Variants in AP2A2 observed in about 807,000 individuals in gnomAD.
AP2A2 encodes the protein AP-2 complex subunit alpha-2.
A neutral mutation model predicts 104.2 loss-of-function variants in AP2A2; 32 were observed. The ratio of observed to expected loss-of-function variants is 0.31; its 90% CI spans 0.23 to 0.41. AP2A2 has a LOEUF of 0.41. AP2A2 is among the 10% of genes least tolerant of loss of function. AP2A2 has a pLI of 1.00. For missense variants in AP2A2, 912 were observed against 1,261.0 expected, an observed-to-expected ratio of 0.72 and a Z score of 4.19; for synonymous variants, 539 against 533.3, an observed-to-expected ratio of 1.01 and a Z score of -0.15.
At position 935,603 on chromosome 11, in the gene AP2A2, G is replaced by GTTTTTTTTTTTTTTTTTTTTTTT. The variant is rs757190222; in HGVS notation, c.67+9537_67+9538insTTTTTTTTTTTTTTTTTTTTTTT. Among the ~76,000 whole-genome samples the GTTTTTTTTTTTTTTTTTTTTTTT allele has an allele frequency of 5.9e-4, 46 of 77,952 alleles. 7 individuals carry two copies. The East Asian group carries it at 8.4e-3, about 14-fold the overall frequency. The allele number at this position is 77,952 out of a possible 152,430, so 51.1% of individuals were successfully genotyped here. ...AAGTGTGAGCCACTGTGCCCGGCCA[G>GTTTTTTTTTTTTTTTTTTTTTTT]TTTTTTTTTTTTTTTTTTTTTTGAG... On this transcript the variant is annotated intron_variant, in intron 1 of 21. Coordinates refer to ENST00000448903, the MANE Select transcript of AP2A2 (RefSeq NM_012305.4).
At chr11:935,971 G>C (rs1853445997) in intron 1 of AP2A2, among the ~76,000 whole-genome samples, 1 of 149,186 alleles carries the variant, frequency 6.7e-6, no homozygotes, top group Admixed American at 6.7e-5. Flanking sequence ...GCACTATCTC[G>C]GCTCACTGCA....
intron 2 of AP2A2, among the ~76,000 whole-genome samples, chr11:967,166 G>C (rs901407412): frequency 1.3e-5 from 2 of 151,836 alleles, no homozygotes; most frequent in East Asian, 2.0e-4. Context: ...GACTGTCTGG[G>C]AAAAACAAAA....
intron 2 of AP2A2, among the ~76,000 whole-genome samples, chr11:962,868 G>A (rs188016595): frequency 6.6e-6 from 1 of 152,134 alleles, no homozygotes; most frequent in African/African-American, 2.4e-5. Context: ...TGTTGAGCAC[G>A]CGCGTACCCT....
At chr11:973,978 C>T (rs1854924201) in intron 4 of AP2A2, among the ~76,000 whole-genome samples, 1 of 152,212 alleles carries the variant, frequency 6.6e-6, no homozygotes, top group Admixed American at 6.5e-5. Flanking sequence ...GAGGCACGTG[C>T]AGATTGATGA....
chr11:1,007,552 G>C (rs1265889760), intron 17 of AP2A2: 1 of 193,064 alleles, frequency 5.2e-6, no homozygotes, highest in Non-Finnish European at 1.1e-5. Flanking sequence ...TGTTTCTTCA[G>C]GAGAGGCTGT....
At chr11:1,003,311 G>A (rs1006139531) in intron 15 of AP2A2, among the ~76,000 whole-genome samples, 4 of 152,226 alleles carry the variant, frequency 2.6e-5, no homozygotes, top group African/African-American at 9.6e-5. Flanking sequence ...GTGCATCAGC[G>A]GGGAGCAGCC....
chr11:972,969 C>T (rs1854886428), intron 4 of AP2A2, among the ~76,000 whole-genome samples: 1 of 152,232 alleles, frequency 6.6e-6, no homozygotes, highest in African/African-American at 2.4e-5. Context: ...AGAGAAGCCT[C>T]GAGGGGCTGA....
At chr11:1,003,298 C>T (rs1013704093) in intron 15 of AP2A2, among the ~76,000 whole-genome samples, 10 of 152,192 alleles carry the variant, frequency 6.6e-5, no homozygotes, top group African/African-American at 1.9e-4. Flanking sequence ...CCCGTGCATG[C>T]GTGTGCATCA....
At chr11:978,824 A>AGGT (rs1855140732) in intron 5 of AP2A2, among the ~76,000 whole-genome samples, 2 of 152,080 alleles carry the variant, frequency 1.3e-5, no homozygotes, top group African/African-American at 4.8e-5. Context: ...GTGGAGTGGG[A>AGGT]CAGGAAGCGT....
rs528144522 is a variant in AP2A2, at chr11:1,003,655, C to G, written c.2124-67C>G. The G allele has an allele frequency of 2.3e-4, 257 of 1,105,862 alleles. 2 individuals carry two copies. In the South Asian group the frequency reaches 3.1e-3, roughly 13 times the overall value. 68.5% of individuals were successfully genotyped at this position (1,105,862 alleles called of 1,614,324 possible). A position where few individuals can be genotyped will look rare whatever the true frequency, so the allele number is the denominator to read the frequency against. On this transcript the variant is annotated intron_variant, in intron 15 of 21. Transcript: ENST00000448903. ...CCTCCTCGTGCTGTGAGTTTTTTTCCAGAACAAACCCTTGTGTTTTCTGCA... is the reference window on the plus strand; with the variant it reads ...CCTCCTCGTGCTGTGAGTTTTTTTCGAGAACAAACCCTTGTGTTTTCTGCA...
At chr11:1,005,410 G>T (rs1388225169) in intron 16 of AP2A2, among the ~76,000 whole-genome samples, 1 of 152,240 alleles carries the variant, frequency 6.6e-6, no homozygotes, top group Non-Finnish European at 1.5e-5. Context: ...GGAGATGGTG[G>T]TGGTGGCAGC....
At chr11:927,618 C>T (rs891764640) in intron 1 of AP2A2, among the ~76,000 whole-genome samples, 2 of 151,542 alleles carry the variant, frequency 1.3e-5, no homozygotes, top group African/African-American at 2.4e-5. Flanking sequence ...AAGTTTGAGA[C>T]CAGCCTGGGC....
intron 1 of AP2A2, 94 bp from the exon 2 acceptor site, chr11:959,343 C>G: frequency 2.3e-6 from 2 of 851,742 alleles, no homozygotes; most frequent in Non-Finnish European, 3.8e-6. Context: ...GGGCCTCATC[C>G]CATTCGTGAG....
intron 1 of AP2A2, among the ~76,000 whole-genome samples, chr11:926,326 G>A (rs1164414641): frequency 1.4e-5 from 2 of 147,382 alleles, no homozygotes; most frequent in Non-Finnish European, 3.0e-5. Context: ...AGAGTCTTGG[G>A]GTATCGGGTA....
At chr11:959,183 G>C (rs1487502761) in intron 1 of AP2A2, among the ~76,000 whole-genome samples, 1 of 152,214 alleles carries the variant, frequency 6.6e-6, no homozygotes, top group Non-Finnish European at 1.5e-5. Context: ...GGCTGGCCCG[G>C]GCGGTTCAGG....
Position 993,796 on chromosome 11 carries a change from G to A in AP2A2, c.1593G>A (p.Leu531=). ...QFHLLHSKFH[L]CSVPTRALLL... ...ACCTGCTGCACTCCAAGTTCCACCTGTGCAGCGTCCCCACCCGCGCGCTGC... is the reference window on the plus strand; with the variant it reads ...ACCTGCTGCACTCCAAGTTCCACCTATGCAGCGTCCCCACCCGCGCGCTGC... The change falls in exon 13 of 22, where the codon CTG becomes CTA. Residue 531 remains leucine (L), a synonymous_variant. Transcript: ENST00000448903. The surrounding 1 kb of genome is among the most constrained non-coding windows in gnomAD (Gnocchi z 8.2). The A allele has an allele frequency of 6.2e-7, 1 of 1,606,692 alleles. No homozygotes were observed. Among genetic ancestry groups the A allele is most frequent in the Non-Finnish European group, 8.5e-7 (1 of 1,178,986 alleles).
At chr11:963,050 T>C (rs1854493579) in intron 2 of AP2A2, among the ~76,000 whole-genome samples, 2 of 151,892 alleles carry the variant, frequency 1.3e-5, no homozygotes, top group Admixed American at 6.6e-5. Flanking sequence ...GCAGCCTCAT[T>C]GAAAAAAAGT....
At chr11:1,006,380 A>C (rs1025467153) in intron 16 of AP2A2, 148 bp from the exon 17 acceptor site, 1 of 650,102 alleles carries the variant, frequency 1.5e-6, no homozygotes, top group African/African-American at 1.8e-5. Context: ...ACTGGAAAAA[A>C]TTTGTTCTTA....
chr11:1,010,299 C>T (rs1355922175), intron 21 of AP2A2: 2 of 580,028 alleles, frequency 3.4e-6, no homozygotes, highest in South Asian at 2.3e-5. Context: ...AAGAACATCC[C>T]ACAGCTTCTC....
Sources: gnomAD v4.1 joint callset for allele counts (sites outside exome capture counted in the v4.1 genomes callset) on GRCh38, gnomAD v4.1.1 for gene constraint, Gnocchi (gnomAD v3.1) non-coding constraint, MANE v1.5 for transcripts, NCBI Gene and HGNC (gene_info 2026-07-23, HGNC 2026-07-21) for gene names.